POU6F2: variants seen among roughly 807,000 people sequenced by gnomAD.
POU6F2 encodes the protein POU class 6 homeobox 2, also known as POU domain, class 6, transcription factor 2.
A neutral mutation model predicts 71.3 loss-of-function variants in POU6F2; 31 were observed. The observed-to-expected ratio is 0.43, with a 90% CI of 0.33 to 0.59. The LOEUF is 0.59. Among genes scored for constraint, POU6F2 ranks in the 20% least tolerant of loss-of-function variants. The pLI is 0.04. For synonymous variants in POU6F2, 347 were observed against 355.7 expected, an observed-to-expected ratio of 0.98 and a Z score of 0.27; for missense variants, 783 against 856.8, an observed-to-expected ratio of 0.91 and a Z score of 1.07.
chr7:39,109,713 G>C (rs191240805), intron 2 of POU6F2, among the ~76,000 whole-genome samples: 4 of 152,290 alleles, frequency 2.6e-5, no homozygotes, highest in Non-Finnish European at 4.4e-5. Context: ...ATTACACAGT[G>C]GAAAATGTAA....
intron 4 of POU6F2, among the ~76,000 whole-genome samples, chr7:39,310,043 A>T (rs943454398): frequency 2.6e-5 from 4 of 152,152 alleles, no homozygotes; most frequent in Non-Finnish European, 5.9e-5. Context: ...TGATCACATA[A>T]CAAAAGCCTG....
At chr7:39,011,371 G>A (rs1789279733) in intron 1 of POU6F2, among the ~76,000 whole-genome samples, 1 of 151,272 alleles carries the variant, frequency 6.6e-6, no homozygotes, top group African/African-American at 2.4e-5. Flanking sequence ...TTTTCCATTT[G>A]CTTGGTAGAT....
At chr7:39,423,961 A>T (rs1252702155) in intron 6 of POU6F2, among the ~76,000 whole-genome samples, 1 of 152,220 alleles carries the variant, frequency 6.6e-6, no homozygotes, top group African/African-American at 2.4e-5. Context: ...AATATGGTAG[A>T]CTGGATGGCT....
chr7:39,413,990 G>A (rs907182825), intron 6 of POU6F2, among the ~76,000 whole-genome samples: 1 of 152,158 alleles, frequency 6.6e-6, no homozygotes, highest in African/African-American at 2.4e-5. Context: ...GCCGGGCAGC[G>A]CCGCGCAGCC....
chr7:39,175,410 A>G (rs187601766), intron 2 of POU6F2, among the ~76,000 whole-genome samples: 2 of 152,278 alleles, frequency 1.3e-5, no homozygotes, highest in East Asian at 3.9e-4. Context: ...AAGAGGTACT[A>G]CTAGTAATTA....
rs557049247 is a variant in POU6F2 at position 39,153,706 on chromosome 7, T to G, written c.278-50529T>G. On this transcript the variant is annotated intron_variant, in intron 2 of 9. Transcript: ENST00000518318. ...TAAAGTCGTGGTGCTACTTATTCAGTTTTTTCCCTTCATCTCTGTACGTTG... is the reference window on the plus strand; with the variant it reads ...TAAAGTCGTGGTGCTACTTATTCAGGTTTTTCCCTTCATCTCTGTACGTTG... Among the ~76,000 whole-genome samples, 93 of 152,320 alleles carry G rather than the reference T, an allele frequency of 6.1e-4. 2 individuals carry two copies. In the South Asian group the frequency reaches 0.019, roughly 32 times the overall value.
At chr7:39,368,069 A>G (rs889906145) in intron 5 of POU6F2, among the ~76,000 whole-genome samples, 2 of 152,174 alleles carry the variant, frequency 1.3e-5, no homozygotes, top group Non-Finnish European at 2.9e-5. Context: ...TAACCCTACA[A>G]TGACCTCCAA....
At chr7:39,170,689 G>C (rs1188713601) in intron 2 of POU6F2, among the ~76,000 whole-genome samples, 1 of 151,988 alleles carries the variant, frequency 6.6e-6, no homozygotes, top group Non-Finnish European at 1.5e-5. Flanking sequence ...GTAAATTATA[G>C]TTAATAATAA....
At chr7:39,211,998 C>CCTT (rs200072404) in intron 4 of POU6F2, among the ~76,000 whole-genome samples, 1,611 of 152,298 alleles carry the variant, frequency 0.011, 20 homozygotes, top group African/African-American at 0.037. Flanking sequence ...CTGTCTCCAT[C>CCTT]ATCTTTATCC....
intron 5 of POU6F2, among the ~76,000 whole-genome samples, chr7:39,378,787 A>C (rs777049009): frequency 6.6e-6 from 1 of 152,198 alleles, no homozygotes; most frequent in Non-Finnish European, 1.5e-5. Context: ...ATTGTTTCTG[A>C]TCATGTGAAA....
chr7:39,095,032 A>G (rs1201629242), intron 2 of POU6F2, among the ~76,000 whole-genome samples: 1 of 152,222 alleles, frequency 6.6e-6, no homozygotes, highest in Non-Finnish European at 1.5e-5. Context: ...AAAATATTGC[A>G]TGAAACTCCT....
intron 4 of POU6F2, among the ~76,000 whole-genome samples, chr7:39,321,552 C>A (rs1263627591): frequency 2.0e-5 from 3 of 152,040 alleles, no homozygotes; most frequent in African/African-American, 7.3e-5. Context: ...TGTGTACTCT[C>A]TGGAGATGTG....
chr7:39,066,994 A>G (rs1790768988), intron 1 of POU6F2, among the ~76,000 whole-genome samples: 1 of 148,116 alleles, frequency 6.8e-6, no homozygotes, highest in Non-Finnish European at 1.5e-5. Flanking sequence ...CATTGTATAT[A>G]ATTCATATAT....
rs186326072 is a variant in POU6F2 at position 39,067,032 on chromosome 7, A to G, written c.106-18828A>G. Among the ~76,000 whole-genome samples, 1,008 of 148,600 alleles carry G rather than the reference A, an allele frequency of 6.8e-3. 6 individuals carry two copies. Among genetic ancestry groups the G allele is most frequent in the Non-Finnish European group, 0.012 (776 of 67,060 alleles). On this transcript the variant is annotated intron_variant, in intron 1 of 9. Transcript: ENST00000518318. ...ATATACTTATTTATAAATCATATTT[A>G]GAAATATAAAATGTATATATTATGT...
chr7:39,070,468 C>T (rs1319651808), intron 1 of POU6F2, among the ~76,000 whole-genome samples: 5 of 151,996 alleles, frequency 3.3e-5, no homozygotes, highest in Non-Finnish European at 7.4e-5. Flanking sequence ...ATGCCTTGCC[C>T]AAAACCCTCA....
intron 5 of POU6F2, among the ~76,000 whole-genome samples, chr7:39,386,207 G>C (rs868507497): frequency 6.6e-6 from 1 of 151,650 alleles, no homozygotes; most frequent in Non-Finnish European, 1.5e-5. Context: ...AGAGATGCCA[G>C]GCCTGCACCA....
At chr7:39,093,541 G>T (rs1791396055) in intron 2 of POU6F2, among the ~76,000 whole-genome samples, 1 of 151,986 alleles carries the variant, frequency 6.6e-6, no homozygotes, top group South Asian at 2.1e-4. Flanking sequence ...TATATTGTTT[G>T]GCATTAAGTA....
chr7:39,103,878 G>A (rs1791623961), intron 2 of POU6F2, among the ~76,000 whole-genome samples: 1 of 152,098 alleles, frequency 6.6e-6, no homozygotes, highest in Non-Finnish European at 1.5e-5. Context: ...TCCCAGGTAG[G>A]GCAAACATCA....
At chr7:39,284,024 G>A (rs1784610327) in intron 4 of POU6F2, among the ~76,000 whole-genome samples, 1 of 152,094 alleles carries the variant, frequency 6.6e-6, no homozygotes, top group Non-Finnish European at 1.5e-5. Context: ...TTCACTCTCT[G>A]CCTCCAAGGC....
Sources: allele counts gnomAD v4.1 joint callset (sites outside exome capture counted in the v4.1 genomes callset), GRCh38; gene constraint gnomAD v4.1.1; transcripts MANE v1.5; gene names NCBI Gene and HGNC (gene_info 2026-07-23, HGNC 2026-07-21).